TBC1D31: variants seen among roughly 807,000 people sequenced by gnomAD.
TBC1D31 encodes WD repeat domain 67.
Under a neutral mutation model 132.9 loss-of-function variants are expected in TBC1D31, and 99 were observed. The observed-to-expected ratio is 0.74, with a 90% confidence interval of 0.63 to 0.88. The LOEUF is 0.88. TBC1D31 is among the 40% of genes least tolerant of loss of function. The pLI, the probability that TBC1D31 is intolerant of heterozygous loss-of-function variation, is 0.00. For synonymous variants in TBC1D31, 385 were observed against 419.4 expected (o/e 0.92, Z 1.00); for missense variants, 1,134 against 1,256.6 (o/e 0.90, Z 1.48).
chr8:123,126,753 A>AT, intron 13 of TBC1D31, 66 bp downstream of exon 13: 2 of 1,435,344 alleles, frequency 1.4e-6, no homozygotes, highest in Non-Finnish European at 1.9e-6. Context: ...TTTTTTTTTA[A>AT]TTTTTTGAGA....
At chr8:123,125,993 G>T (rs1182909307) in intron 11 of TBC1D31, 63 bp from the exon 12 acceptor site, 1 of 1,324,872 alleles carries the variant, frequency 7.5e-7, no homozygotes, top group Admixed American at 2.5e-5. Flanking sequence ...TTTAAGAATT[G>T]CAAAGAGTTT....
intron 16 of TBC1D31, among the ~76,000 whole-genome samples, chr8:123,133,440 A>G (rs1223645755): frequency 6.6e-6 from 1 of 152,144 alleles, no homozygotes; most frequent in African/African-American, 2.4e-5. Flanking sequence ...TGCACATCCA[A>G]CTGTATTCTC....
chr8:123,162,554 G>T, the TBC1D31 span, among the ~76,000 whole-genome samples: 1 of 152,080 alleles, frequency 6.6e-6, no homozygotes, highest in Non-Finnish European at 1.5e-5. Flanking sequence ...ACAGGACTTG[G>T]GTCTGGCTGT....
rs1460353643 is a variant in TBC1D31, at chr8:123,151,935, C to A, written c.3197C>A (p.Ala1066Glu). The change falls in exon 22 of 22, where the codon GCA (alanine) becomes GAA (glutamate). Residue 1066 changes from alanine to glutamate, a missense_variant. Transcript: ENST00000287380. ...HRCQTPHLLA[A>E] is the part of the protein sequence containing the mutation. ...TGTCAAACCCCTCATCTTTTGGCTG[C>A]ATAGAATGCATGTCACCTTGAGACG... 2.0e-6 allele frequency: 3 copies of A among 1,533,044 alleles called. No homozygotes were observed. Among genetic ancestry groups the A allele is most frequent in the African/African-American group, 2.8e-5 (2 of 71,208 alleles). The allele number at this position is 1,533,044 out of a possible 1,614,324, so 95.0% of individuals were successfully genotyped here.
At chr8:123,160,953 G>A in the TBC1D31 span, among the ~76,000 whole-genome samples, 3 of 152,194 alleles carry the variant, frequency 2.0e-5, no homozygotes, top group African/African-American at 7.2e-5. Flanking sequence ...GCGGAGACTC[G>A]GGAGGGGACC....
At chr8:123,158,379 T>G in the TBC1D31 span, among the ~76,000 whole-genome samples, 1 of 152,140 alleles carries the variant, frequency 6.6e-6, no homozygotes, top group Non-Finnish European at 1.5e-5. Flanking sequence ...ATACGGTACA[T>G]TTATAAAAGG....
intron 4 of TBC1D31, among the ~76,000 whole-genome samples, chr8:123,089,164 C>T (rs1183986707): frequency 1.3e-5 from 2 of 152,034 alleles, no homozygotes; most frequent in East Asian, 1.9e-4. Flanking sequence ...TTCAGATTTT[C>T]GGATCAGGGA....
chr8:123,136,845 C>G (rs1821142764), intron 17 of TBC1D31, among the ~76,000 whole-genome samples: 1 of 151,968 alleles, frequency 6.6e-6, no homozygotes, highest in Admixed American at 6.6e-5. Flanking sequence ...TTAAACAAAC[C>G]AATAGGATTA....
At chr8:123,151,676 T>C (rs957502333) in intron 21 of TBC1D31, 130 bp from the exon 22 acceptor site, 16 of 888,342 alleles carry the variant, frequency 1.8e-5, no homozygotes, top group Admixed American at 1.6e-4. Context: ...CCAGGTTATA[T>C]GTAAAATTTA....
At chr8:123,144,876 T>C in intron 20 of TBC1D31, 21 bp downstream of exon 20, 2 of 1,596,138 alleles carry the variant, frequency 1.3e-6, no homozygotes, top group Admixed American at 3.6e-5. Context: ...GAGAGGCCTT[T>C]CTCTCCATGA....
chr8:123,134,856 G>A (rs968251500), intron 17 of TBC1D31, among the ~76,000 whole-genome samples: 2 of 152,150 alleles, frequency 1.3e-5, no homozygotes, highest in African/African-American at 2.4e-5. Flanking sequence ...ATCCTGAAAG[G>A]TAAATCAGTC....
At chr8:123,084,480 C>T (rs1289345169) in intron 4 of TBC1D31, 140 bp downstream of exon 4, 4 of 765,948 alleles carry the variant, frequency 5.2e-6, no homozygotes, top group African/African-American at 3.5e-5. Flanking sequence ...GCAAAGTGGC[C>T]AACACAAAGA....
intron 10 of TBC1D31, among the ~76,000 whole-genome samples, chr8:123,117,141 C>G (rs1346654150): frequency 2.6e-5 from 4 of 152,090 alleles, no homozygotes; most frequent in African/African-American, 9.6e-5. Context: ...ATGGTGAAAC[C>G]GTATCTCTAT....
At chr8:123,161,910 C>T in the TBC1D31 span, among the ~76,000 whole-genome samples, 3 of 148,826 alleles carry the variant, frequency 2.0e-5, no homozygotes, top group South Asian at 4.3e-4. Context: ...CCCAGCTACT[C>T]GGGAGGCTAA....
At chr8:123,087,636 A>G (rs1374571569) in intron 4 of TBC1D31, among the ~76,000 whole-genome samples, 2 of 152,248 alleles carry the variant, frequency 1.3e-5, no homozygotes, top group Non-Finnish European at 2.9e-5. Flanking sequence ...AAACAGAGTT[A>G]TGAAACAATG....
intron 2 of TBC1D31, among the ~76,000 whole-genome samples, chr8:123,077,652 A>G (rs1462476251): frequency 6.6e-6 from 1 of 151,724 alleles, no homozygotes; most frequent in Non-Finnish European, 1.5e-5. Flanking sequence ...CCCAGCCCAT[A>G]GTTGCTAGTT....
At chr8:123,162,704 C>A in the TBC1D31 span, among the ~76,000 whole-genome samples, 1 of 152,118 alleles carries the variant, frequency 6.6e-6, no homozygotes, top group East Asian at 1.9e-4. Context: ...TTCAATTGCA[C>A]GAATAATATG....
chr8:123,075,485 C>T (rs1268435572), intron 1 of TBC1D31, among the ~76,000 whole-genome samples: 11 of 152,082 alleles, frequency 7.2e-5, no homozygotes, highest in Non-Finnish European at 1.6e-4. Context: ...GGGAGGATCA[C>T]GAGGTCAAAA....
At chr8:123,080,229 C>T (rs1173125361) in intron 2 of TBC1D31, among the ~76,000 whole-genome samples, 4 of 152,272 alleles carry the variant, frequency 2.6e-5, no homozygotes, top group African/African-American at 9.6e-5. Flanking sequence ...TATGCTCTGG[C>T]TTATATAGCA....
Sources: allele counts gnomAD v4.1 joint callset (sites outside exome capture counted in the v4.1 genomes callset), GRCh38; gene constraint gnomAD v4.1.1; transcripts MANE v1.5; gene names NCBI Gene and HGNC (gene_info 2026-07-23, HGNC 2026-07-21).